FHIT: variants seen among roughly 807,000 people sequenced by gnomAD.
FHIT encodes fragile histidine triad diadenosine triphosphatase.
In FHIT, 19 loss-of-function variants were observed where a neutral mutation model predicts 17.9. The ratio of observed to expected loss-of-function variants is 1.06; its 90% CI spans 0.74 to 1.56. The LOEUF is 1.56. FHIT is among the 40% of genes most tolerant of loss of function. FHIT has a pLI of 0.00. For synonymous variants in FHIT, 81 were observed against 69.7 expected (o/e 1.16, Z -0.81); for missense variants, 248 against 189.2 (o/e 1.31, Z -1.82).
intron 4 of FHIT, among the ~76,000 whole-genome samples, chr3:60,595,253 G>A (rs1336255537): frequency 6.6e-6 from 1 of 152,054 alleles, no homozygotes; most frequent in Non-Finnish European, 1.5e-5. Flanking sequence ...GGGTCAGAGT[G>A]GCAGGCATCA....
At chr3:60,429,334 T>C (rs184883710) in intron 5 of FHIT, among the ~76,000 whole-genome samples, 71 of 152,080 alleles carry the variant, frequency 4.7e-4, no homozygotes, top group African/African-American at 1.7e-3. Context: ...TTGGACAAGA[T>C]TTGAGTAAGA....
At chr3:60,955,813 C>T (rs1709127121) in intron 3 of FHIT, among the ~76,000 whole-genome samples, 1 of 151,822 alleles carries the variant, frequency 6.6e-6, no homozygotes, top group East Asian at 1.9e-4. Flanking sequence ...GGTAATGTTA[C>T]AGTTCTTAAG....
At position 60,707,296 on chromosome 3, in the gene FHIT, A is replaced by G. The variant is rs1234300517; in HGVS notation, c.-18+114623T>C. Among the ~76,000 whole-genome samples the G allele has an allele frequency of 3.9e-5, 6 of 152,202 alleles. No homozygotes were observed. In the East Asian group the frequency reaches 1.2e-3, roughly 29 times the overall value. On this transcript the variant is annotated intron_variant, in intron 4 of 9. Transcript: ENST00000492590. ...TACAGATGATTCTATGATCTACTAT[A>G]ACTTTATAATGGCAAAGCCACTGAC...
At chr3:59,845,083 A>T (rs1215796761) in intron 8 of FHIT, among the ~76,000 whole-genome samples, 1 of 152,104 alleles carries the variant, frequency 6.6e-6, no homozygotes, top group Non-Finnish European at 1.5e-5. Context: ...GCAATTGTTT[A>T]TATTACTTGC....
At chr3:60,425,968 G>A (rs983028796) in intron 5 of FHIT, among the ~76,000 whole-genome samples, 4 of 152,134 alleles carry the variant, frequency 2.6e-5, no homozygotes, top group African/African-American at 9.7e-5. Context: ...TATGTAATAT[G>A]CAGAGAATTT....
chr3:61,033,280 A>G (rs1279680917), intron 3 of FHIT, among the ~76,000 whole-genome samples: 1 of 152,182 alleles, frequency 6.6e-6, no homozygotes, highest in East Asian at 1.9e-4. Context: ...TTATTTGTTT[A>G]CATATTGTCT....
chr3:59,769,894 G>A (rs1701992074), intron 8 of FHIT, among the ~76,000 whole-genome samples: 1 of 152,140 alleles, frequency 6.6e-6, no homozygotes, highest in Non-Finnish European at 1.5e-5. Context: ...ACACAAATCT[G>A]TTTTTACTAA....
At chr3:60,315,585 T>C (rs1376476541) in intron 5 of FHIT, among the ~76,000 whole-genome samples, 2 of 152,232 alleles carry the variant, frequency 1.3e-5, no homozygotes, top group East Asian at 1.9e-4. Flanking sequence ...CCGTTCAACA[T>C]ACTATCTGTG....
At chr3:60,603,596 G>A (rs951412217) in intron 4 of FHIT, among the ~76,000 whole-genome samples, 1 of 151,608 alleles carries the variant, frequency 6.6e-6, no homozygotes, top group East Asian at 1.9e-4. Context: ...TAAGTCACTT[G>A]TAAAAATATA....
chr3:60,537,879 A>G (rs2036043099), intron 4 of FHIT, among the ~76,000 whole-genome samples: 1 of 152,204 alleles, frequency 6.6e-6, no homozygotes, highest in Non-Finnish European at 1.5e-5. Context: ...ACAGCCTAGT[A>G]TGAAACTGAG....
chr3:60,942,953 C>T (rs1553774911), intron 3 of FHIT, among the ~76,000 whole-genome samples: 1 of 151,990 alleles, frequency 6.6e-6, no homozygotes. Context: ...TTTGAGTTTC[C>T]AAATGTATAA....
At chr3:60,878,180 G>T (rs1287069833) in intron 3 of FHIT, among the ~76,000 whole-genome samples, 2 of 152,008 alleles carry the variant, frequency 1.3e-5, no homozygotes, top group Non-Finnish European at 2.9e-5. Context: ...AAGCTGGTAG[G>T]GGCTGCCTAA....
At chr3:61,091,652 T>C (rs77718937) in intron 2 of FHIT, among the ~76,000 whole-genome samples, 3,302 of 152,066 alleles carry the variant, frequency 0.022, 50 homozygotes, top group Non-Finnish European at 0.033. Context: ...AAATGAAGCT[T>C]AGAACCAACA....
chr3:59,900,724 C>T (rs1440780796), intron 8 of FHIT, among the ~76,000 whole-genome samples: 1 of 152,176 alleles, frequency 6.6e-6, no homozygotes, highest in Non-Finnish European at 1.5e-5. Context: ...AGCAATTCTC[C>T]TACGTCAGCC....
chr3:60,264,065 T>C (rs559299767), intron 5 of FHIT, among the ~76,000 whole-genome samples: 3 of 151,798 alleles, frequency 2.0e-5, no homozygotes, highest in African/African-American at 4.8e-5. Context: ...CAACAAAGTA[T>C]GTGGCATCAG....
rs72877844 is a variant in FHIT, at chr3:61,082,038, C to T, written c.-163-39939G>A. Reference sequence around the variant, plus strand: ...TCACCTGGGTAATTGTAACAGCTTCCTTTAGGAAGCTCCCCTCATTTTTGC... The same window carrying T: ...TCACCTGGGTAATTGTAACAGCTTCTTTTAGGAAGCTCCCCTCATTTTTGC... On this transcript the variant is annotated intron_variant, in intron 2 of 9. Transcript: ENST00000492590. 6.2e-3 allele frequency among the ~76,000 whole-genome samples: 941 copies of T among 151,892 alleles called. 9 individuals carry two copies. Among genetic ancestry groups the T allele is most frequent in the African/African-American group, 0.02 (845 of 41,364 alleles).
At chr3:59,906,646 G>A (rs764838639) in intron 8 of FHIT, among the ~76,000 whole-genome samples, 30 of 152,202 alleles carry the variant, frequency 2.0e-4, no homozygotes, top group African/African-American at 5.5e-4. Flanking sequence ...TATTGTTTTC[G>A]TATCTGATTA....
chr3:60,983,584 GC>G (rs1710588072), intron 3 of FHIT, among the ~76,000 whole-genome samples: 1 of 152,186 alleles, frequency 6.6e-6, no homozygotes, highest in African/African-American at 2.4e-5. Flanking sequence ...CACTGTAACA[GC>G]CTTTGGCCCT....
chr3:59,761,538 T>C (rs1235881486), intron 8 of FHIT, among the ~76,000 whole-genome samples: 1 of 152,084 alleles, frequency 6.6e-6, no homozygotes, highest in Non-Finnish European at 1.5e-5. Context: ...AATAGAACAA[T>C]TGTAACAATG....
Sources: allele counts gnomAD v4.1 joint callset (sites outside exome capture counted in the v4.1 genomes callset), GRCh38; gene constraint gnomAD v4.1.1; transcripts MANE v1.5; gene names NCBI Gene and HGNC (gene_info 2026-07-23, HGNC 2026-07-21).